Variants in RICTOR observed in about 807,000 individuals in gnomAD.
RICTOR encodes the protein rapamycin-insensitive companion of mTOR.
In RICTOR, 49 loss-of-function variants were observed where a neutral mutation model predicts 214.9. The ratio of observed to expected loss-of-function variants is 0.23; its 90% confidence interval spans 0.18 to 0.29. RICTOR has a LOEUF of 0.29. Ranked by LOEUF, RICTOR falls within the 10% of genes least tolerant of loss-of-function variation. The pLI, the probability that RICTOR is intolerant of heterozygous loss-of-function variation, is 1.00. For synonymous variants in RICTOR, 717 were observed against 711.3 expected (o/e 1.01, Z -0.13); for missense variants, 1,625 against 2,047.0 (o/e 0.79, Z 3.98).
At chr5:39,037,343 TAA>T (rs1275120910) in intron 2 of RICTOR, among the ~76,000 whole-genome samples, 1 of 151,724 alleles carries the variant, frequency 6.6e-6, no homozygotes, top group Admixed American at 6.6e-5. Flanking sequence ...TTTATAGCAC[TAA>T]ATGCCCACAA....
At chr5:38,991,936 A>T (rs986076397) in intron 6 of RICTOR, among the ~76,000 whole-genome samples, 2 of 152,126 alleles carry the variant, frequency 1.3e-5, no homozygotes, top group Admixed American at 1.3e-4. Flanking sequence ...GAGAAAATTA[A>T]TTTGACCCAG....
chr5:38,958,798 C>A lies in RICTOR; in HGVS notation c.2212G>T (p.Val738Leu), dbSNP rs769455118. ...CRLYATKHLR[V>L]LLRANVEFFN... Reference sequence around the variant, plus strand: ...AATTCAACATTAGCTCTCAATAATACCCTTAAATGTTTTGTTGCATAGAGT... The same window carrying A: ...AATTCAACATTAGCTCTCAATAATAACCTTAAATGTTTTGTTGCATAGAGT... Residue 738 changes from valine (V) to leucine (L), a missense_variant, in exon 23 of 38, where the codon GTA becomes TTA. This residue lies in a region of RICTOR where 1,214 missense variants were observed against 1,470.5 expected (regional missense o/e 0.83). Coordinates refer to ENST00000357387, the MANE Select transcript of RICTOR (RefSeq NM_152756.5). 4 of 1,604,328 alleles carry A rather than the reference C, an allele frequency of 2.5e-6. No individual in the cohort carries two copies. Among genetic ancestry groups the A allele is most frequent in the African/African-American group, 2.7e-5 (2 of 74,236 alleles).
chr5:39,023,496 T>G (rs919196695), intron 2 of RICTOR, among the ~76,000 whole-genome samples: 4 of 152,214 alleles, frequency 2.6e-5, no homozygotes, highest in Non-Finnish European at 5.9e-5. Flanking sequence ...TAGGCAGTAG[T>G]TTGCCACCTC....
rs144502777 is a variant in RICTOR, at chr5:39,030,269, A to G, written c.98-9133T>C. Among the ~76,000 whole-genome samples, 487 of 152,306 alleles carry G rather than the reference A, an allele frequency of 3.2e-3. 6 individuals are homozygous for G. Among genetic ancestry groups the G allele is most frequent in the African/African-American group, 0.011 (470 of 41,588 alleles). On this transcript the variant is annotated intron_variant, in intron 2 of 37. Coordinates refer to ENST00000357387, the MANE Select transcript of RICTOR (RefSeq NM_152756.5). ...TGAAACCTCAAACAAATCCTTAAAA[A>G]AACTTTTTTCAGTCATGCAAGAGTA...
chr5:39,027,407 A>C (rs1378205708), intron 2 of RICTOR, among the ~76,000 whole-genome samples: 2 of 152,122 alleles, frequency 1.3e-5, no homozygotes, highest in African/African-American at 4.8e-5. Flanking sequence ...AAAAATGAAG[A>C]CTTCCTGGCT....
At chr5:39,044,697 T>C (rs1201993853) in intron 2 of RICTOR, among the ~76,000 whole-genome samples, 4 of 152,156 alleles carry the variant, frequency 2.6e-5, no homozygotes, top group Non-Finnish European at 5.9e-5. Flanking sequence ...GCAATAGCAT[T>C]CACCCAAATT....
chr5:38,965,058 A>G (rs1424507895), intron 15 of RICTOR, among the ~76,000 whole-genome samples, 166 bp from the exon 16 acceptor site: 2 of 152,014 alleles, frequency 1.3e-5, no homozygotes, highest in African/African-American at 2.4e-5. Flanking sequence ...TATTTTTATC[A>G]TATCTATAAT....
intron 2 of RICTOR, among the ~76,000 whole-genome samples, chr5:39,045,360 A>G (rs549858873): frequency 6.6e-4 from 100 of 152,286 alleles, no homozygotes; most frequent in South Asian, 3.9e-3. Flanking sequence ...ATAGACTGAA[A>G]AATACAGTCT....
intron 2 of RICTOR, among the ~76,000 whole-genome samples, chr5:39,055,852 A>G (rs1333903560): frequency 6.6e-6 from 1 of 152,208 alleles, no homozygotes; most frequent in Non-Finnish European, 1.5e-5. Flanking sequence ...AGGAAAGATA[A>G]TAAGGGCCTG....
chr5:39,044,078 C>T (rs975332164), intron 2 of RICTOR, among the ~76,000 whole-genome samples: 1 of 152,092 alleles, frequency 6.6e-6, no homozygotes, highest in Non-Finnish European at 1.5e-5. Context: ...ACAATGTATA[C>T]ACATATCAAA....
Position 39,038,835 on chromosome 5 carries a change from G to C in RICTOR, c.98-17699C>G, listed in dbSNP as rs529314878. ...TAAAAGAGGATACAAACAAATGGAAGAACATTCCATGCTCACGGGTAGGAA... is the reference window on the plus strand; with the variant it reads ...TAAAAGAGGATACAAACAAATGGAACAACATTCCATGCTCACGGGTAGGAA... On this transcript the variant is annotated intron_variant, in intron 2 of 37. Transcript: ENST00000357387. 1.3e-3 allele frequency among the ~76,000 whole-genome samples: 193 copies of C among 152,156 alleles called. 1 individual carries two copies. The highest frequency in any genetic ancestry group is 4.5e-3 in the African/African-American group (186 of 41,498).
At chr5:39,029,683 A>G (rs1369041281) in intron 2 of RICTOR, among the ~76,000 whole-genome samples, 1 of 152,204 alleles carries the variant, frequency 6.6e-6, no homozygotes, top group Non-Finnish European at 1.5e-5. Context: ...ATTCACCCCT[A>G]AACCATGTAG....
intron 37 of RICTOR, 61 bp from the exon 38 acceptor site, chr5:38,942,439 A>T: frequency 1.1e-6 from 1 of 919,518 alleles, no homozygotes; most frequent in Non-Finnish European, 1.6e-6. Context: ...TAACATATTT[A>T]TATAAATATC....
At chr5:38,986,181 G>A (rs1561494966) in intron 7 of RICTOR, among the ~76,000 whole-genome samples, 1 of 152,130 alleles carries the variant, frequency 6.6e-6, no homozygotes, top group Non-Finnish European at 1.5e-5. Flanking sequence ...TCTCGTGATA[G>A]TGAATCTCAT....
At chr5:39,048,004 C>T (rs1181120766) in intron 2 of RICTOR, among the ~76,000 whole-genome samples, 1 of 152,160 alleles carries the variant, frequency 6.6e-6, no homozygotes, top group Non-Finnish European at 1.5e-5. Context: ...AAGAATTTAA[C>T]CACAACGAAG....
intron 7 of RICTOR, among the ~76,000 whole-genome samples, chr5:38,985,102 T>C (rs909535282): frequency 3.3e-5 from 5 of 152,144 alleles, no homozygotes; most frequent in Non-Finnish European, 5.9e-5. Context: ...TGAGCCACCA[T>C]GCCCAGCCTA....
rs1749940227 is a variant in RICTOR at position 38,963,198 on chromosome 5, A to G, written c.1401-157T>C. ...AAATTTGGAGAGACAAATACAAAAA[A>G]TAACACTACTGATTTATATAAAGAC... is the stretch of plus-strand genomic sequence containing the variant. On this transcript the variant is annotated intron_variant, in intron 16 of 37. Coordinates refer to ENST00000357387, the MANE Select transcript of RICTOR (RefSeq NM_152756.5). Among the ~76,000 whole-genome samples, 3 of 152,076 alleles carry G rather than the reference A, an allele frequency of 2.0e-5. No homozygotes were observed. The South Asian group carries it at 6.2e-4, about 31-fold the overall frequency.
intron 5 of RICTOR, among the ~76,000 whole-genome samples, chr5:39,001,420 T>TA (rs1453180672): frequency 6.6e-6 from 1 of 152,068 alleles, no homozygotes; most frequent in East Asian, 1.9e-4. Flanking sequence ...TCTCATATCT[T>TA]ACACAACCAT....
At position 38,991,084 on chromosome 5, in the gene RICTOR, GA is replaced by G; in HGVS notation, c.457-10del. ...GCATTCACAGTAATCATCTGTAACA[GA>G]AGGAATCAGAAAAAGAAGTTACTTT... On this transcript the variant is annotated splice_polypyrimidine_tract_variant and intron_variant, in intron 6 of 37. Coordinates refer to ENST00000357387, the MANE Select transcript of RICTOR (RefSeq NM_152756.5). 6.4e-7 allele frequency: 1 copy of G among 1,574,512 alleles called. No individual in the cohort carries two copies. The highest frequency in any genetic ancestry group is 8.6e-7 in the Non-Finnish European group (1 of 1,157,770).
Sources: gnomAD v4.1 joint callset for allele counts (sites outside exome capture counted in the v4.1 genomes callset) on GRCh38, gnomAD v4.1.1 for gene constraint, gnomAD v4.1.1 regional missense constraint, MANE v1.5 for transcripts, NCBI Gene and HGNC (gene_info 2026-07-23, HGNC 2026-07-21) for gene names.